FGD4: variants seen among roughly 807,000 people sequenced by gnomAD.
FGD4 encodes the protein FYVE, RhoGEF and PH domain containing 4, also known as FYVE, RhoGEF and PH domain-containing protein 4.
In FGD4, 42 loss-of-function variants were observed where a neutral mutation model predicts 102.0. The ratio of observed to expected loss-of-function variants is 0.41; its 90% CI spans 0.32 to 0.53. FGD4 has a LOEUF of 0.53. FGD4 is among the 20% of genes least tolerant of loss of function. The pLI, the probability that FGD4 is intolerant of heterozygous loss-of-function variation, is 0.21. For synonymous variants in FGD4, 380 were observed against 375.7 expected, an observed-to-expected ratio of 1.01 and a Z score of -0.13; for missense variants, 902 against 1,078.2, an observed-to-expected ratio of 0.84 and a Z score of 2.29.
At chr12:32,622,048 C>T (rs1273473192) in intron 11 of FGD4, among the ~76,000 whole-genome samples, 2 of 152,126 alleles carry the variant, frequency 1.3e-5, no homozygotes, top group East Asian at 1.9e-4. Context: ...CCACCAAGCC[C>T]GACTAACTTT....
At chr12:32,584,782 T>A (rs1946870862) in intron 4 of FGD4, among the ~76,000 whole-genome samples, 1 of 152,202 alleles carries the variant, frequency 6.6e-6, no homozygotes, top group African/African-American at 2.4e-5. Flanking sequence ...TGCAGACAAC[T>A]GAAAAACTTT....
chr12:32,509,319 T>C (rs1243748199), intron 1 of FGD4, among the ~76,000 whole-genome samples: 1 of 150,548 alleles, frequency 6.6e-6, no homozygotes, highest in African/African-American at 2.5e-5. Context: ...ACTACCACAG[T>C]AGCAGCGAGG....
intron 1 of FGD4, among the ~76,000 whole-genome samples, chr12:32,430,272 T>G (rs2136434073): frequency 6.6e-6 from 1 of 151,972 alleles, no homozygotes; most frequent in South Asian, 2.1e-4. Flanking sequence ...TGCACCACTG[T>G]GCTCCAGCCT....
chr12:32,583,974 T>C (rs1038074991), intron 4 of FGD4, among the ~76,000 whole-genome samples: 3 of 152,202 alleles, frequency 2.0e-5, no homozygotes, highest in South Asian at 2.1e-4. Context: ...AGAAAAATAT[T>C]CTAATTGGTG....
chr12:32,511,933 C>T (rs952480938), intron 1 of FGD4: 3 of 152,108 alleles, frequency 2.0e-5, no homozygotes, highest in African/African-American at 7.2e-5. Context: ...AGAATTGAAA[C>T]TCAGTTTAGC....
At chr12:32,402,515 G>T (rs1940726021) in intron 1 of FGD4, among the ~76,000 whole-genome samples, 1 of 151,762 alleles carries the variant, frequency 6.6e-6, no homozygotes, top group Non-Finnish European at 1.5e-5. Context: ...AGGTACAATC[G>T]TAGCTCACTA....
At chr12:32,625,473 T>C (rs1227235543) in intron 13 of FGD4, among the ~76,000 whole-genome samples, 181 bp from the exon 14 acceptor site, 1 of 152,044 alleles carries the variant, frequency 6.6e-6, no homozygotes, top group Non-Finnish European at 1.5e-5. Context: ...TTTCACCATG[T>C]TGGCCAGACT....
At chr12:32,414,497 T>G (rs1160922758) in intron 1 of FGD4, among the ~76,000 whole-genome samples, 1 of 152,194 alleles carries the variant, frequency 6.6e-6, no homozygotes, top group Non-Finnish European at 1.5e-5. Flanking sequence ...ATAGTCACCC[T>G]GTTGTGCTAT....
intron 2 of FGD4, among the ~76,000 whole-genome samples, chr12:32,570,731 G>A (rs1041535189): frequency 1.3e-5 from 2 of 152,048 alleles, no homozygotes; most frequent in African/African-American, 4.8e-5. Flanking sequence ...ATGAGACATC[G>A]TGCCTCAGTT....
intron 1 of FGD4, among the ~76,000 whole-genome samples, chr12:32,441,400 C>T (rs1942430595): frequency 6.6e-6 from 1 of 151,954 alleles, no homozygotes; most frequent in Non-Finnish European, 1.5e-5. Context: ...TTCAAGGCAG[C>T]GGGTTCCCTT....
chr12:32,607,065 C>T (rs1245096741), intron 7 of FGD4, among the ~76,000 whole-genome samples: 1 of 152,104 alleles, frequency 6.6e-6, no homozygotes, highest in Non-Finnish European at 1.5e-5. Flanking sequence ...GCTTAGCAAA[C>T]CTCATTAAAT....
intron 1 of FGD4, among the ~76,000 whole-genome samples, chr12:32,478,051 T>C (rs1410091171): frequency 6.6e-6 from 1 of 152,200 alleles, no homozygotes; most frequent in Non-Finnish European, 1.5e-5. Flanking sequence ...AAAAAAAATA[T>C]CAAATTAATG....
intron 13 of FGD4, among the ~76,000 whole-genome samples, 190 bp downstream of exon 13, chr12:32,625,258 T>G (rs986739437): frequency 3.4e-5 from 5 of 148,600 alleles, no homozygotes; most frequent in Admixed American, 1.4e-4. Context: ...CTTCTTTGAA[T>G]TTTTCTTATT....
intron 4 of FGD4, among the ~76,000 whole-genome samples, chr12:32,587,090 T>C (rs895594144): frequency 6.8e-6 from 1 of 148,100 alleles, no homozygotes; most frequent in African/African-American, 2.5e-5. Context: ...ACTAGCAGGC[T>C]GAGGCAGGCG....
chr12:32,636,708 T>C (rs377737561), intron 15 of FGD4, among the ~76,000 whole-genome samples: 1 of 41,902 alleles, frequency 2.4e-5, no homozygotes, highest in East Asian at 2.9e-4. Flanking sequence ...ACTGGTAACA[T>C]AAACCATTTG....
intron 1 of FGD4, among the ~76,000 whole-genome samples, chr12:32,430,169 G>A (rs1264288196): frequency 1.3e-5 from 2 of 152,118 alleles, no homozygotes; most frequent in Non-Finnish European, 1.5e-5. Context: ...TTAGCCGGGT[G>A]TGGTAGCAGG....
chr12:32,420,550 C>T (rs1173544990), intron 1 of FGD4, among the ~76,000 whole-genome samples: 1 of 152,118 alleles, frequency 6.6e-6, no homozygotes. Context: ...CTGCATGAAG[C>T]CTGGCTTTCT....
chr12:32,415,732 T>G (rs1440097631), intron 1 of FGD4, among the ~76,000 whole-genome samples: 1 of 152,194 alleles, frequency 6.6e-6, no homozygotes, highest in Non-Finnish European at 1.5e-5. Context: ...TTTCTTTAGC[T>G]CTTAATAATA....
intron 7 of FGD4, among the ~76,000 whole-genome samples, chr12:32,603,164 A>C (rs1432402153): frequency 2.6e-5 from 4 of 152,170 alleles, no homozygotes; most frequent in Non-Finnish European, 5.9e-5. Flanking sequence ...ACAGTGCTAC[A>C]ATTGTTATGG....
Sources: gnomAD v4.1 joint callset for allele counts (sites outside exome capture counted in the v4.1 genomes callset) on GRCh38, gnomAD v4.1.1 for gene constraint, MANE v1.5 for transcripts, NCBI Gene and HGNC (gene_info 2026-07-23, HGNC 2026-07-21) for gene names.